Variants in RPTOR observed in about 807,000 individuals in gnomAD.
RPTOR encodes regulatory-associated protein of mTOR.
RPTOR carries 21 observed loss-of-function variants against 169.9 expected under a neutral mutation model. The observed-to-expected ratio is 0.12, with a 90% CI of 0.09 to 0.18. The LOEUF is 0.18. Among genes scored for constraint, RPTOR ranks in the 10% least tolerant of loss-of-function variants. The pLI, the probability that RPTOR is intolerant of heterozygous loss-of-function variation, is 1.00. For missense variants in RPTOR, 1,133 were observed against 1,855.9 expected (o/e 0.61, Z 7.16); for synonymous variants, 732 against 753.2 (o/e 0.97, Z 0.46).
intron 3 of RPTOR, among the ~76,000 whole-genome samples, chr17:80,685,187 T>C (rs2065928825): frequency 6.7e-6 from 1 of 149,334 alleles, no homozygotes. Flanking sequence ...GAGTCACCCC[T>C]CATTCAGGGT....
rs761613819 is a variant in RPTOR, at chr17:80,822,288, C to T, written c.978C>T (p.Asn326=). Residue 326 remains asparagine, a synonymous_variant, in exon 8 of 34, where the codon AAC becomes AAT. Coordinates refer to ENST00000306801, the MANE Select transcript of RPTOR (RefSeq NM_020761.3). ...CCATCACAGACACCATCGCGTGGAA[C>T]GTGCTCCCCCGGGGTGAGGCGCGGG... ...FTAITDTIAW[N]VLPRDLFQKL... The T allele has an allele frequency of 3.5e-5, 56 of 1,614,004 alleles. No homozygotes were observed. Among genetic ancestry groups the T allele is most frequent in the South Asian group, 8.8e-5 (8 of 91,086 alleles).
At chr17:80,922,151 G>A (rs867836788) in intron 21 of RPTOR, among the ~76,000 whole-genome samples, 4 of 152,204 alleles carry the variant, frequency 2.6e-5, no homozygotes, top group Admixed American at 6.5e-5. Context: ...TTTCCACCCC[G>A]TGCCCACCGG....
chr17:80,661,460 A>G (rs1488841756), intron 3 of RPTOR, among the ~76,000 whole-genome samples: 5 of 152,174 alleles, frequency 3.3e-5, no homozygotes, highest in African/African-American at 1.2e-4. Context: ...GCAGGCCTCA[A>G]CTAACAACCC....
intron 23 of RPTOR, chr17:80,924,050 T>G (rs957742574): frequency 3.5e-6 from 1 of 288,868 alleles, no homozygotes; most frequent in Non-Finnish European, 6.5e-6. Context: ...CACAGCACTC[T>G]GCGTCCGCTT....
chr17:80,628,280 C>T (rs1483926949), intron 2 of RPTOR, among the ~76,000 whole-genome samples: 5 of 152,164 alleles, frequency 3.3e-5, no homozygotes, highest in Admixed American at 3.3e-4. Context: ...AAGTTTCTAT[C>T]TGGTATCATA....
chr17:80,881,999 C>G (rs1029305869), intron 14 of RPTOR, among the ~76,000 whole-genome samples: 1 of 152,086 alleles, frequency 6.6e-6, no homozygotes, highest in East Asian at 1.9e-4. Context: ...AACTCATAAG[C>G]AGATCTGAAA....
chr17:80,944,262 C>T (rs1381516438), intron 25 of RPTOR, among the ~76,000 whole-genome samples: 1 of 152,198 alleles, frequency 6.6e-6, no homozygotes, highest in Admixed American at 6.5e-5. Context: ...TGAAAGACCC[C>T]CGGACTTTGG....
In RPTOR at chr17:80,966,117, A is replaced by ATC. The variant is rs2069426502; in HGVS notation, c.*1787_*1788insTC. ...GGCAGGTGGCTCCAGAGGGGTCAAG[A>ATC]CCCCCCCCCGCCCCCGCTCCACCCT... On this transcript the variant is annotated 3_prime_UTR_variant, in exon 34 of 34. Transcript: ENST00000306801. 5.7e-6 allele frequency: 1 copy of ATC among 174,658 alleles called. No individual in the cohort carries two copies. Among genetic ancestry groups the ATC allele is most frequent in the Non-Finnish European group, 1.1e-5 (1 of 92,586 alleles). The allele number at this position is 174,658 out of a possible 1,614,324, so 10.8% of individuals were successfully genotyped here.
At position 80,651,745 on chromosome 17, in the gene RPTOR, C is replaced by T. The variant is rs1359467188; in HGVS notation, c.348+7935C>T. The stretch of plus-strand genomic sequence containing the variant: ...AAAATATTTAAAAAATGGCCAGGCA[C>T]GGTGGCTCACGCCTGTAATCCCAGC... On this transcript the variant is annotated intron_variant, in intron 3 of 33. Transcript: ENST00000306801. This position sits in a 1 kb window ranked among gnomAD's most constrained non-coding sequence, Gnocchi z 4.1. Among the ~76,000 whole-genome samples the T allele has an allele frequency of 2.6e-5, 4 of 152,080 alleles. No homozygotes were observed. Among genetic ancestry groups the T allele is most frequent in the Non-Finnish European group, 5.9e-5 (4 of 68,022 alleles).
At chr17:80,893,605 G>T in intron 19 of RPTOR, 102 bp from the exon 20 acceptor site, 1 of 1,453,568 alleles carries the variant, frequency 6.9e-7, no homozygotes, top group Non-Finnish European at 9.2e-7. Flanking sequence ...GGTGTGCTGA[G>T]CTTTATTTAG....
intron 3 of RPTOR, among the ~76,000 whole-genome samples, chr17:80,700,194 A>G (rs74002833): frequency 0.015 from 2,301 of 152,326 alleles, 67 homozygotes; most frequent in African/African-American, 0.052. Flanking sequence ...TCTAGTGATC[A>G]GGCTGGAGAT....
chr17:80,695,819 C>T lies in RPTOR; in HGVS notation c.349-12022C>T, dbSNP rs142009292. Reference sequence around the variant, plus strand: ...CAGAGGCACCAAGGCCAGGGAGGAGCGTTGGGGGTGGCTGGAGCTGGTGGG... The same window carrying T: ...CAGAGGCACCAAGGCCAGGGAGGAGTGTTGGGGGTGGCTGGAGCTGGTGGG... On this transcript the variant is annotated intron_variant, in intron 3 of 33. Coordinates refer to ENST00000306801, the MANE Select transcript of RPTOR (RefSeq NM_020761.3). This position sits in a 1 kb window ranked among gnomAD's most constrained non-coding sequence, Gnocchi z 4.9. Among the ~76,000 whole-genome samples the T allele has an allele frequency of 7.5e-3, 1,145 of 152,292 alleles. 14 individuals carry two copies. The highest frequency in any genetic ancestry group is 0.026 in the African/African-American group (1,092 of 41,558).
intron 1 of RPTOR, among the ~76,000 whole-genome samples, chr17:80,586,367 C>T (rs1428137597): frequency 6.6e-6 from 1 of 152,128 alleles, no homozygotes; most frequent in African/African-American, 2.4e-5. Flanking sequence ...GTAACCACGT[C>T]GTGATCACAG....
intron 6 of RPTOR, among the ~76,000 whole-genome samples, chr17:80,763,620 A>G (rs894497321): frequency 2.6e-5 from 4 of 152,146 alleles, no homozygotes; most frequent in African/African-American, 9.7e-5. Context: ...AATTAGCCAG[A>G]CCTCACAGAG....
At chr17:80,743,256 G>A in intron 5 of RPTOR, 1 of 985,442 alleles carries the variant, frequency 1.0e-6, no homozygotes, top group Non-Finnish European at 1.2e-6. Flanking sequence ...CAGAAACACA[G>A]CAGCTGATGA....
intron 1 of RPTOR, among the ~76,000 whole-genome samples, chr17:80,570,543 C>T (rs979056919): frequency 1.3e-5 from 2 of 152,116 alleles, no homozygotes; most frequent in African/African-American, 4.8e-5. Flanking sequence ...TCACTGCAAC[C>T]TCCGCCTCCT....
In RPTOR at chr17:80,643,911, C is replaced by A. The variant is rs114777778; in HGVS notation, c.348+101C>A. 1.2e-4 allele frequency: 112 copies of A among 916,896 alleles called. No homozygotes were observed. In the African/African-American group the frequency reaches 1.7e-3, roughly 14 times the overall value. The allele number at this position is 916,896 out of a possible 1,614,324, so 56.8% of individuals were successfully genotyped here. On this transcript the variant is annotated intron_variant, in intron 3 of 33. Transcript: ENST00000306801. The stretch of plus-strand genomic sequence containing the variant: ...GATCCAAGTGAGAATTCTGTGCACA[C>A]CCTGCCCTTGTGTGGCATGGCGCCT...
chr17:80,704,095 T>G (rs903721652), intron 3 of RPTOR, among the ~76,000 whole-genome samples: 1 of 152,200 alleles, frequency 6.6e-6, no homozygotes, highest in African/African-American at 2.4e-5. Flanking sequence ...AAGCCATCTC[T>G]CCAGACTGAA....
chr17:80,870,707 T>C (rs1181777986), intron 13 of RPTOR, among the ~76,000 whole-genome samples: 1 of 152,248 alleles, frequency 6.6e-6, no homozygotes, highest in Non-Finnish European at 1.5e-5. Flanking sequence ...ATTTTACTTG[T>C]GTCCCGAACT....
Sources: gnomAD v4.1 joint callset for allele counts (sites outside exome capture counted in the v4.1 genomes callset) on GRCh38, gnomAD v4.1.1 for gene constraint, Gnocchi (gnomAD v3.1) non-coding constraint, MANE v1.5 for transcripts, NCBI Gene and HGNC (gene_info 2026-07-23, HGNC 2026-07-21) for gene names.